The following SLCO2B1 variants were observed in gnomAD, a reference collection of about 807,000 sequenced individuals.
SLCO2B1 encodes the protein OATP-RP2.
Under a neutral mutation model 67.3 loss-of-function variants are expected in SLCO2B1, and 41 were observed. That is an observed-to-expected ratio of 0.61 (90% confidence interval 0.47 to 0.79). SLCO2B1 has a LOEUF of 0.79. Ranked by LOEUF, SLCO2B1 falls within the 30% of genes least tolerant of loss-of-function variation. The probability of loss-of-function intolerance (pLI) is 0.00; values close to 1 mark genes in which losing one functional copy is unlikely to be tolerated. For synonymous variants in SLCO2B1, 379 were observed against 381.4 expected, an observed-to-expected ratio of 0.99 and a Z score of 0.07; for missense variants, 837 against 920.1, an observed-to-expected ratio of 0.91 and a Z score of 1.17.
intron 7 of SLCO2B1, among the ~76,000 whole-genome samples, chr11:75,180,279 AGTGTCTTAGCTATTTTT>A (rs1950078320): frequency 6.6e-6 from 1 of 152,182 alleles, no homozygotes; most frequent in South Asian, 2.1e-4. Context: ...TGCCTCCCAA[AGTGTCTTAGCTATTTTT>A]AAGTGTATAA....
intron 7 of SLCO2B1, among the ~76,000 whole-genome samples, chr11:75,174,995 C>T (rs1468620934): frequency 6.6e-6 from 1 of 152,132 alleles, no homozygotes; most frequent in African/African-American, 2.4e-5. Context: ...ATGCACGAGT[C>T]CTTGAGTCGG....
At chr11:75,177,512 G>C (rs983493708) in intron 7 of SLCO2B1, among the ~76,000 whole-genome samples, 1 of 152,204 alleles carries the variant, frequency 6.6e-6, no homozygotes, top group African/African-American at 2.4e-5. Flanking sequence ...CACCATGCTC[G>C]AGGGGCTGAA....
At chr11:75,202,824 A>T in intron 11 of SLCO2B1, 77 bp from the exon 12 acceptor site, 1 of 1,239,304 alleles carries the variant, frequency 8.1e-7, no homozygotes, top group Non-Finnish European at 1.2e-6. Context: ...CATAATAAGA[A>T]CCCTTCAACG....
At chr11:75,183,852 G>A (rs985429757) in intron 7 of SLCO2B1, among the ~76,000 whole-genome samples, 3 of 152,164 alleles carry the variant, frequency 2.0e-5, no homozygotes, top group Non-Finnish European at 2.9e-5. Flanking sequence ...GCTTGAGCTC[G>A]GATCTGAGTC....
Position 75,155,410 on chromosome 11 carries a change from C to T in SLCO2B1, c.16+4013C>T, listed in dbSNP as rs79266596. On this transcript the variant is annotated intron_variant, in intron 1 of 13. Transcript: ENST00000289575. ...CACCGCAGTCCCCACCCACAGACCC[C>T]GTGCTCCAGCCTTCTCTTCCCCTTC... Among the ~76,000 whole-genome samples the T allele has an allele frequency of 5.1e-4, 78 of 152,272 alleles. 2 individuals are homozygous for T. The South Asian group carries it at 0.015, about 28-fold the overall frequency.
At chr11:75,203,140 A>AG in intron 12 of SLCO2B1, 167 bp from the exon 13 acceptor site, 1 of 1,175,862 alleles carries the variant, frequency 8.5e-7, no homozygotes, top group Non-Finnish European at 1.2e-6. Context: ...GGCAGAGTCT[A>AG]GACAGCCCGT....
intron 3 of SLCO2B1, 37 bp downstream of exon 3, chr11:75,164,137 G>A (rs1309422079): frequency 1.3e-6 from 2 of 1,593,434 alleles, no homozygotes; most frequent in Non-Finnish European, 1.7e-6. Context: ...TGGACACTGA[G>A]GGAGGCTTGC....
intron 4 of SLCO2B1, among the ~76,000 whole-genome samples, chr11:75,168,361 C>T (rs921478838): frequency 7.2e-5 from 11 of 152,128 alleles, no homozygotes; most frequent in African/African-American, 1.4e-4. Flanking sequence ...AGTGGCTCTC[C>T]GTGCTGGGTT....
intron 8 of SLCO2B1, among the ~76,000 whole-genome samples, chr11:75,188,886 G>T (rs762069272): frequency 6.6e-6 from 1 of 152,136 alleles, no homozygotes; most frequent in Non-Finnish European, 1.5e-5. Flanking sequence ...GTTCCTGAAG[G>T]TCAGGCCTGT....
At chr11:75,192,709 A>C (rs1288363735) in intron 8 of SLCO2B1, among the ~76,000 whole-genome samples, 1 of 152,222 alleles carries the variant, frequency 6.6e-6, no homozygotes, top group Non-Finnish European at 1.5e-5. Context: ...AATAAGATAT[A>C]GTCTAACTCA....
At chr11:75,171,702 A>G (rs1237818904) in intron 6 of SLCO2B1, among the ~76,000 whole-genome samples, 4 of 152,030 alleles carry the variant, frequency 2.6e-5, no homozygotes, top group African/African-American at 9.7e-5. Flanking sequence ...TCCCAATTAA[A>G]CCTAGTGGGG....
intron 8 of SLCO2B1, among the ~76,000 whole-genome samples, chr11:75,191,803 G>C (rs186008872): frequency 6.6e-6 from 1 of 152,238 alleles, no homozygotes; most frequent in Non-Finnish European, 1.5e-5. Flanking sequence ...AGTGGAGAGA[G>C]GATTTCATGT....
rs186004440 is a variant in SLCO2B1, at chr11:75,154,377, G to C, written c.16+2980G>C. 2.2e-4 allele frequency among the ~76,000 whole-genome samples: 34 copies of C among 152,054 alleles called. No homozygotes were observed. The South Asian group carries it at 3.1e-3, about 14-fold the overall frequency. On this transcript the variant is annotated intron_variant, in intron 1 of 13. Coordinates refer to ENST00000289575, the MANE Select transcript of SLCO2B1 (RefSeq NM_007256.5). ...TAGCTGTGTGTGGTGGCACATGCCT[G>C]TAATCCCAGCTATTCTGGAGGCTGA... is the stretch of plus-strand genomic sequence containing the variant.
chr11:75,184,333 G>C lies in SLCO2B1; in HGVS notation c.973-3803G>C, dbSNP rs533440240. ...AGCTCAGGGTCCAGCAGGGGAGAAA[G>C]ATGTCAAATAAGGTTTGCCTCAGAC... On this transcript the variant is annotated intron_variant, in intron 7 of 13. Transcript: ENST00000289575. 2.0e-5 allele frequency among the ~76,000 whole-genome samples: 3 copies of C among 152,346 alleles called. No homozygotes were observed. The South Asian group carries it at 6.2e-4, about 32-fold the overall frequency.
intron 10 of SLCO2B1, chr11:75,199,660 C>G (rs751125103): frequency 6.6e-6 from 1 of 152,662 alleles, no homozygotes; most frequent in Non-Finnish European, 1.5e-5. Context: ...ACACCTGTCT[C>G]CCATCTGAGG....
intron 6 of SLCO2B1, among the ~76,000 whole-genome samples, chr11:75,171,734 T>C (rs144669182): frequency 6.6e-6 from 1 of 152,310 alleles, no homozygotes; most frequent in African/African-American, 2.4e-5. Flanking sequence ...TCTGGGGAAC[T>C]TGTTAAAGGT....
chr11:75,197,538 G>A, intron 10 of SLCO2B1, among the ~76,000 whole-genome samples: 1 of 152,222 alleles, frequency 6.6e-6, no homozygotes, highest in Non-Finnish European at 1.5e-5. Flanking sequence ...GAAAAAGAGG[G>A]GCCTTGAATG....
At chr11:75,202,724 A>G (rs1235850135) in intron 11 of SLCO2B1, 177 bp from the exon 12 acceptor site, 1 of 632,238 alleles carries the variant, frequency 1.6e-6, no homozygotes, top group Non-Finnish European at 2.8e-6. Context: ...CAGGCTCTGC[A>G]GGTTGAAAAA....
rs865987804 is a variant in SLCO2B1 at position 75,172,507 on chromosome 11, G to A, written c.910G>A (p.Glu304Lys). The change falls in exon 7 of 14, where the codon GAA becomes AAA. Residue 304 changes from glutamate (E) to lysine (K), a missense_variant. Physicochemically the swap from Glu to Lys is moderately conservative, Grantham distance 56 (BLOSUM62 1). Coordinates refer to ENST00000289575, the MANE Select transcript of SLCO2B1 (RefSeq NM_007256.5). Reference protein sequence around the residue: ...YFFFPKEMPKEKRELQFRRKV... With the variant: ...YFFFPKEMPKKKRELQFRRKV... The stretch of plus-strand genomic sequence containing the variant: ...CTTCTTCCCCAAGGAAATGCCCAAG[G>A]AAAAACGTGAGCTTCAGTTTCGGCG... 6.2e-7 allele frequency: 1 copy of A among 1,614,184 alleles called. No individual in the cohort carries two copies. Among genetic ancestry groups the A allele is most frequent in the Non-Finnish European group, 8.5e-7 (1 of 1,180,020 alleles).
Sources: allele counts gnomAD v4.1 joint callset (sites outside exome capture counted in the v4.1 genomes callset), GRCh38; gene constraint gnomAD v4.1.1; transcripts MANE v1.5; gene names NCBI Gene and HGNC (gene_info 2026-07-23, HGNC 2026-07-21).